Variants in MACROD2 observed in about 807,000 individuals in gnomAD.
MACROD2 encodes mono-ADP ribosylhydrolase 2.
MACROD2 carries 36 observed loss-of-function variants against 70.4 expected under a neutral mutation model. The ratio of observed to expected loss-of-function variants is 0.51; its 90% CI spans 0.39 to 0.68. The LOEUF (loss-of-function observed/expected upper bound fraction) is 0.68. Among genes scored for constraint, MACROD2 ranks in the 30% least tolerant of loss-of-function variants. MACROD2 has a pLI of 0.00. For synonymous variants in MACROD2, 172 were observed against 178.8 expected (o/e 0.96, Z 0.30); for missense variants, 496 against 538.4 (o/e 0.92, Z 0.78).
At chr20:15,754,571 G>A (rs1007127720) in intron 8 of MACROD2, among the ~76,000 whole-genome samples, 6 of 150,768 alleles carry the variant, frequency 4.0e-5, no homozygotes, top group Non-Finnish European at 7.4e-5. Flanking sequence ...GATTTCTGTC[G>A]CCCAGGTTTG....
At chr20:15,118,629 G>A (rs1424689408) in intron 5 of MACROD2, among the ~76,000 whole-genome samples, 1 of 152,174 alleles carries the variant, frequency 6.6e-6, no homozygotes, top group East Asian at 1.9e-4. Context: ...AATCAGTTCT[G>A]AGATACTCTT....
chr20:14,106,780 T>G (rs1301902436), intron 3 of MACROD2, among the ~76,000 whole-genome samples: 1 of 151,930 alleles, frequency 6.6e-6, no homozygotes, highest in Non-Finnish European at 1.5e-5. Flanking sequence ...ATAATAAGAG[T>G]CTCTGCCTAG....
chr20:14,495,629 A>C (rs6135159), intron 4 of MACROD2, among the ~76,000 whole-genome samples: 33,298 of 152,046 alleles, frequency 0.22, 4,182 homozygotes, highest in South Asian at 0.33. Flanking sequence ...ATTTCTTTAA[A>C]TATATGTATG....
intron 4 of MACROD2, among the ~76,000 whole-genome samples, chr20:14,613,882 A>G (rs1983315729): frequency 1.3e-5 from 2 of 152,132 alleles, no homozygotes; most frequent in South Asian, 2.1e-4. Flanking sequence ...TCATCTGCCT[A>G]TGTAAACCCA....
At chr20:14,532,095 C>A (rs1285660117) in intron 4 of MACROD2, among the ~76,000 whole-genome samples, 21 of 152,100 alleles carry the variant, frequency 1.4e-4, no homozygotes, top group Admixed American at 1.4e-3. Context: ...TTACTTCATA[C>A]TTCCCAAAGG....
At chr20:15,484,338 T>A (rs1011782557) in intron 7 of MACROD2, among the ~76,000 whole-genome samples, 12 of 152,092 alleles carry the variant, frequency 7.9e-5, no homozygotes, top group Admixed American at 5.2e-4. Flanking sequence ...AGGGGAAGTA[T>A]TATATAGTTA....
At chr20:15,892,104 T>C (rs904891354) in intron 10 of MACROD2, among the ~76,000 whole-genome samples, 2 of 151,840 alleles carry the variant, frequency 1.3e-5, no homozygotes, top group Non-Finnish European at 1.5e-5. Context: ...AACCAGGGAG[T>C]TCATTCATGC....
chr20:14,668,478 G>A (rs1462443267), intron 4 of MACROD2, among the ~76,000 whole-genome samples: 2 of 152,090 alleles, frequency 1.3e-5, no homozygotes, highest in Non-Finnish European at 1.5e-5. Flanking sequence ...TTCAAATAAC[G>A]CAGGCCTAGG....
At chr20:15,342,250 T>C (rs1600265572) in intron 6 of MACROD2, among the ~76,000 whole-genome samples, 1 of 152,162 alleles carries the variant, frequency 6.6e-6, no homozygotes, top group South Asian at 2.1e-4. Context: ...TCAACGCAAG[T>C]TGCACAGGTA....
In MACROD2 at chr20:14,441,421, G is replaced by C. The variant is rs186844762; in HGVS notation, c.272-52058G>C. 3.8e-3 allele frequency among the ~76,000 whole-genome samples: 572 copies of C among 152,254 alleles called. 1 individual carries two copies. Among genetic ancestry groups the C allele is most frequent in the African/African-American group, 0.013 (527 of 41,548 alleles). ...CAAGATCTTGTGCAATAATAAATGA[G>C]TTTTAAGCCTCTACATTTTGTGGTA... On this transcript the variant is annotated intron_variant, in intron 3 of 17. Transcript: ENST00000684519.
intron 5 of MACROD2, among the ~76,000 whole-genome samples, chr20:14,888,897 C>T (rs2073715364): frequency 6.6e-6 from 1 of 152,090 alleles, no homozygotes; most frequent in Admixed American, 6.5e-5. Context: ...TGAGAGTCTC[C>T]TTATTAAATA....
intron 11 of MACROD2, among the ~76,000 whole-genome samples, chr20:15,934,682 T>G (rs192492028): frequency 6.7e-6 from 1 of 148,270 alleles, no homozygotes; most frequent in Non-Finnish European, 1.5e-5. Flanking sequence ...TTTGTTTGTT[T>G]TTTGTTTTTT....
chr20:15,974,306 A>G (rs1179946629), intron 13 of MACROD2, among the ~76,000 whole-genome samples: 1 of 152,168 alleles, frequency 6.6e-6, no homozygotes, highest in Non-Finnish European at 1.5e-5. Context: ...TAAAAATACT[A>G]GAGTAAAAGA....
chr20:14,626,240 A>G (rs1348146588), intron 4 of MACROD2, among the ~76,000 whole-genome samples: 1 of 152,146 alleles, frequency 6.6e-6, no homozygotes, highest in African/African-American at 2.4e-5. Context: ...ATCACATATC[A>G]TACTTCCTAG....
chr20:14,111,412 T>C (rs535665467), intron 3 of MACROD2, among the ~76,000 whole-genome samples: 1 of 151,894 alleles, frequency 6.6e-6, no homozygotes, highest in African/African-American at 2.4e-5. Flanking sequence ...AACAACAAAG[T>C]GAAGAGACAG....
intron 4 of MACROD2, among the ~76,000 whole-genome samples, chr20:14,618,420 T>C (rs963136790): frequency 3.3e-5 from 5 of 152,170 alleles, no homozygotes; most frequent in African/African-American, 4.8e-5. Context: ...TTTTCCTGTG[T>C]TAGAGATAAT....
intron 15 of MACROD2, among the ~76,000 whole-genome samples, chr20:15,993,802 G>T (rs1047439726): frequency 3.9e-5 from 6 of 152,068 alleles, no homozygotes; most frequent in Non-Finnish European, 5.9e-5. Context: ...GACAAAATTC[G>T]TTTTCACTGA....
chr20:14,067,164 G>GC (rs1326656448), intron 2 of MACROD2, among the ~76,000 whole-genome samples: 2 of 107,632 alleles, frequency 1.9e-5, no homozygotes. Flanking sequence ...TTGCTCTGTT[G>GC]CCAGGCTGGG....
chr20:16,037,214 TG>T (rs1471938425), intron 15 of MACROD2, among the ~76,000 whole-genome samples: 1 of 152,036 alleles, frequency 6.6e-6, no homozygotes, highest in African/African-American at 2.4e-5. Context: ...ATTTGCATTT[TG>T]CTTTCTTCAA....
Sources: gnomAD v4.1 joint callset for allele counts (sites outside exome capture counted in the v4.1 genomes callset) on GRCh38, gnomAD v4.1.1 for gene constraint, MANE v1.5 for transcripts, NCBI Gene and HGNC (gene_info 2026-07-23, HGNC 2026-07-21) for gene names.